Variants in MMP26 observed in about 807,000 individuals in gnomAD.
The protein encoded by MMP26 is matrix metalloproteinase-26.
In MMP26, 33 loss-of-function variants were observed where a neutral mutation model predicts 31.0. That is an observed-to-expected ratio of 1.06 (90% CI 0.81 to 1.42). The LOEUF is 1.42. Ranked by LOEUF, MMP26 falls within the 40% of genes most tolerant of loss-of-function variation. MMP26 has a pLI of 0.00. For missense variants in MMP26, 347 were observed against 316.1 expected (o/e 1.10, Z -0.74); for synonymous variants, 122 against 114.9 (o/e 1.06, Z -0.40).
intron 2 of MMP26, chr11:4,769,970 T>A: frequency 1.2e-6 from 1 of 867,114 alleles, no homozygotes; most frequent in Non-Finnish European, 1.9e-6. Flanking sequence ...CCTATAGAAG[T>A]GATACATTAA....
At chr11:4,890,093 C>A (rs760813663) in intron 2 of MMP26, 1 of 152,248 alleles carries the variant, frequency 6.6e-6, no homozygotes, top group Non-Finnish European at 1.5e-5. Flanking sequence ...TTAGTTGTTT[C>A]TTTTAATGAG....
rs979699417 is a variant in MMP26, at chr11:4,836,083, C to A, written c.-145+68742C>A. Among the ~76,000 whole-genome samples the A allele has an allele frequency of 4.0e-5, 6 of 151,824 alleles. 1 individual carries two copies. The South Asian group carries it at 1.2e-3, about 32-fold the overall frequency. On this transcript the variant is annotated intron_variant, in intron 2 of 7. Coordinates refer to ENST00000380390, the MANE Select transcript of MMP26 (RefSeq NM_021801.5). ...TACACTCTTGCATGTGAAAACTTAC[C>A]GTTAATGTTTATTTTCTTACATTTA...
At chr11:4,806,349 G>T (rs936946552) in intron 2 of MMP26, among the ~76,000 whole-genome samples, 1 of 152,054 alleles carries the variant, frequency 6.6e-6, no homozygotes, top group African/African-American at 2.4e-5. Flanking sequence ...ATTATTGTGT[G>T]GGAGTCTAAG....
At chr11:4,804,381 G>T (rs1384472294) in intron 2 of MMP26, 1 of 1,611,252 alleles carries the variant, frequency 6.2e-7, no homozygotes, top group African/African-American at 1.3e-5. Context: ...CCAGCACCAT[G>T]GACTGGTTAA....
intron 1 of MMP26, among the ~76,000 whole-genome samples, chr11:4,749,968 G>T (rs565819689): frequency 6.6e-6 from 1 of 152,168 alleles, no homozygotes; most frequent in African/African-American, 2.4e-5. Context: ...CCCAGCAAAA[G>T]AAATTAATCA....
At chr11:4,776,787 A>T in intron 2 of MMP26, among the ~76,000 whole-genome samples, 1 of 152,068 alleles carries the variant, frequency 6.6e-6, no homozygotes, top group East Asian at 1.9e-4. Context: ...TTTGCCTTCT[A>T]CCATGAATGT....
chr11:4,881,883 A>G (rs1207877249), intron 2 of MMP26: 4 of 1,599,802 alleles, frequency 2.5e-6, no homozygotes, highest in African/African-American at 1.3e-5. Context: ...CTCATAGTTC[A>G]GTGTCTTCAA....
At chr11:4,914,975 A>C in intron 2 of MMP26, 1 of 1,614,128 alleles carries the variant, frequency 6.2e-7, no homozygotes, top group Non-Finnish European at 8.5e-7. Context: ...GATGGACAGC[A>C]CGGTGCGCAG....
chr11:4,724,505 A>C (rs549413265), intron 1 of MMP26, among the ~76,000 whole-genome samples: 18 of 152,194 alleles, frequency 1.2e-4, no homozygotes, highest in Non-Finnish European at 2.4e-4. Context: ...TACATTAAAA[A>C]CATAAAAGAA....
At chr11:4,820,552 C>G (rs1410323964) in intron 2 of MMP26, among the ~76,000 whole-genome samples, 2 of 151,718 alleles carry the variant, frequency 1.3e-5, no homozygotes, top group African/African-American at 4.8e-5. Flanking sequence ...TCTTATTCCT[C>G]CTCCTCCTCT....
rs143627952 is a variant in MMP26 at position 4,939,827 on chromosome 11, C to T, written c.-144-48241C>T. Among the ~76,000 whole-genome samples, 496 of 152,156 alleles carry T rather than the reference C, an allele frequency of 3.3e-3. 1 individual carries two copies. Among genetic ancestry groups the T allele is most frequent in the African/African-American group, 8.9e-3 (370 of 41,524 alleles). On this transcript the variant is annotated intron_variant, in intron 2 of 7. Coordinates refer to ENST00000380390, the MANE Select transcript of MMP26 (RefSeq NM_021801.5). Reference sequence around the variant, plus strand: ...TTGGAACTTAAGAGAAAGGCCAAGCCACAGATAATGACATAAGATATATCA... The same window carrying T: ...TTGGAACTTAAGAGAAAGGCCAAGCTACAGATAATGACATAAGATATATCA...
At chr11:4,946,843 G>C (rs775979840) in intron 2 of MMP26, 1 of 1,589,292 alleles carries the variant, frequency 6.3e-7, no homozygotes, top group Admixed American at 1.7e-5. Flanking sequence ...TGAACAGGAA[G>C]ATGCTTAACA....
intron 2 of MMP26, among the ~76,000 whole-genome samples, chr11:4,962,560 C>G (rs1052426793): frequency 6.6e-6 from 1 of 152,152 alleles, no homozygotes; most frequent in Admixed American, 6.6e-5. Flanking sequence ...TCTCTACCCC[C>G]AAACAACTTA....
At chr11:4,820,623 CT>C (rs2133470593) in intron 2 of MMP26, among the ~76,000 whole-genome samples, 1 of 151,990 alleles carries the variant, frequency 6.6e-6, no homozygotes, top group South Asian at 2.1e-4. Flanking sequence ...TAGTCTTTCT[CT>C]TTCTCCTCCT....
intron 2 of MMP26, chr11:4,882,023 T>A (rs768025481): frequency 6.8e-6 from 11 of 1,613,922 alleles, no homozygotes; most frequent in Non-Finnish European, 9.3e-6. Flanking sequence ...CATTGCCCTC[T>A]TGGGAAACAG....
chr11:4,829,144 G>T (rs1849614082), intron 2 of MMP26, among the ~76,000 whole-genome samples: 1 of 152,142 alleles, frequency 6.6e-6, no homozygotes, highest in South Asian at 2.1e-4. Context: ...GCAGTAAAAG[G>T]CTACTAAATA....
At chr11:4,813,931 T>A (rs1257133237) in intron 2 of MMP26, among the ~76,000 whole-genome samples, 1 of 151,898 alleles carries the variant, frequency 6.6e-6, no homozygotes, top group Non-Finnish European at 1.5e-5. Context: ...CCGTAATCCA[T>A]AAAAAGGAAA....
intron 2 of MMP26, among the ~76,000 whole-genome samples, chr11:4,957,606 CACACCTTATGCACATT>C (rs1846461637): frequency 6.6e-6 from 1 of 152,110 alleles, no homozygotes; most frequent in South Asian, 2.1e-4. Context: ...CTTACACTCC[CACACCTTATGCACATT>C]TGTTATTCTG....
At chr11:4,723,177 C>T in intron 1 of MMP26, 1 of 1,593,000 alleles carries the variant, frequency 6.3e-7, no homozygotes, top group Non-Finnish European at 8.6e-7. Context: ...TGCTCGGCAT[C>T]TGCGATGGCG....
Sources: allele counts gnomAD v4.1 joint callset (sites outside exome capture counted in the v4.1 genomes callset), GRCh38; gene constraint gnomAD v4.1.1; transcripts MANE v1.5; gene names NCBI Gene and HGNC (gene_info 2026-07-23, HGNC 2026-07-21).